Variants in PSD3 observed in about 807,000 individuals in gnomAD.
PSD3 encodes the protein PH and SEC7 domain-containing protein 3.
A neutral mutation model predicts 105.5 loss-of-function variants in PSD3; 49 were observed. The observed-to-expected ratio is 0.46, with a 90% CI of 0.37 to 0.59. The LOEUF (loss-of-function observed/expected upper bound fraction) is 0.59, where lower values mean the gene tolerates loss of function less well. Among genes scored for constraint, PSD3 ranks in the 20% least tolerant of loss-of-function variants. The pLI is 0.00. For synonymous variants in PSD3, 557 were observed against 457.8 expected, an observed-to-expected ratio of 1.22 and a Z score of -2.77; for missense variants, 1,561 against 1,263.8, an observed-to-expected ratio of 1.24 and a Z score of -3.57.
At chr8:18,924,827 T>C (rs535568584) in intron 2 of PSD3, 52 of 152,292 alleles carry the variant, frequency 3.4e-4, no homozygotes, top group African/African-American at 1.2e-3. Flanking sequence ...AAAAAATAAC[T>C]AACTCAAAAT....
intron 1 of PSD3, among the ~76,000 whole-genome samples, chr8:19,044,061 AG>A (rs1452844827): frequency 6.6e-6 from 1 of 152,154 alleles, no homozygotes; most frequent in Non-Finnish European, 1.5e-5. Flanking sequence ...CAGGCCTCAG[AG>A]CCACCCACCT....
At chr8:18,930,274 A>T (rs17384209) in intron 2 of PSD3, among the ~76,000 whole-genome samples, 1 of 152,110 alleles carries the variant, frequency 6.6e-6, no homozygotes, top group Non-Finnish European at 1.5e-5. Context: ...TTTTCATTTA[A>T]GAGACTCCAG....
intron 1 of PSD3, among the ~76,000 whole-genome samples, chr8:19,082,782 T>C (rs567858833): frequency 3.2e-4 from 49 of 152,322 alleles, no homozygotes; most frequent in Non-Finnish European, 5.6e-4. Context: ...CATACAGAGA[T>C]GGGCTCTGAT....
chr8:18,740,712 C>G (rs758167890), intron 9 of PSD3, among the ~76,000 whole-genome samples: 2 of 152,134 alleles, frequency 1.3e-5, no homozygotes, highest in Non-Finnish European at 2.9e-5. Flanking sequence ...TACTTAAATC[C>G]CAAAAGTCAC....
chr8:18,604,805 G>A (rs1804696645), intron 11 of PSD3, among the ~76,000 whole-genome samples: 1 of 152,182 alleles, frequency 6.6e-6, no homozygotes. Context: ...TGGCTCAAAG[G>A]GGCCTGGGTA....
At chr8:18,722,112 CGGTATTGAACTTAAAA>C (rs1311282296) in intron 9 of PSD3, among the ~76,000 whole-genome samples, 1 of 151,444 alleles carries the variant, frequency 6.6e-6, no homozygotes. Flanking sequence ...CTCCCAGCTG[CGGTATTGAACTTAAAA>C]GTCTACTAGA....
intron 8 of PSD3, among the ~76,000 whole-genome samples, chr8:18,779,194 G>A (rs1167464520): frequency 6.6e-6 from 1 of 152,074 alleles, no homozygotes; most frequent in Non-Finnish European, 1.5e-5. Flanking sequence ...GTTTCCTCAT[G>A]TCCAGGAATG....
At chr8:18,869,653 G>A (rs1238443215) in intron 3 of PSD3, among the ~76,000 whole-genome samples, 1 of 152,140 alleles carries the variant, frequency 6.6e-6, no homozygotes, top group Non-Finnish European at 1.5e-5. Context: ...TCTCTGGCTG[G>A]CAAACTCTTT....
At chr8:18,882,232 A>AACAG (rs1818151747) in intron 2 of PSD3, among the ~76,000 whole-genome samples, 1 of 152,128 alleles carries the variant, frequency 6.6e-6, no homozygotes, top group African/African-American at 2.4e-5. Context: ...CAAACAAACA[A>AACAG]AAAACCTTAA....
chr8:18,773,425 ACT>A (rs78808348), intron 8 of PSD3, among the ~76,000 whole-genome samples: 2,525 of 152,022 alleles, frequency 0.017, 87 homozygotes, highest in East Asian at 0.12. Flanking sequence ...GAGTACTCTA[ACT>A]CTGTTCTTTT....
Position 18,871,732 on chromosome 8 carries a change from T to G in PSD3, c.1132A>C (p.Thr378Pro), listed in dbSNP as rs755970461. 6.2e-7 allele frequency: 1 copy of G among 1,614,144 alleles called. No individual in the cohort carries two copies. The highest frequency in any genetic ancestry group is 8.5e-7 in the Non-Finnish European group (1 of 1,180,012). Residue 378 changes from threonine to proline, a missense_variant, in exon 3 of 16, where the codon ACA becomes CCA. Thr to Pro is a conservative substitution (Grantham distance 38). Coordinates refer to ENST00000327040, the MANE Select transcript of PSD3 (RefSeq NM_015310.4). ...TCATCAAGACGCACAGGGGAAAATG[T>G]CCCCGAGCTAGTGCCAGGCCTCTCT... The part of the protein sequence containing the change: ...PSERPGTSSG[T>P]FSPVRLDESG...
chr8:18,972,128 TC>T, intron 1 of PSD3, among the ~76,000 whole-genome samples: 1 of 152,356 alleles, frequency 6.6e-6, no homozygotes, highest in Admixed American at 6.5e-5. Context: ...GCCTATTTCC[TC>T]AATCTATTTT....
chr8:18,595,472 C>T (rs990305802), intron 12 of PSD3, among the ~76,000 whole-genome samples: 16 of 145,368 alleles, frequency 1.1e-4, no homozygotes, highest in South Asian at 4.5e-4. Context: ...CAGAGACAGA[C>T]GGAGGGAGGG....
intron 1 of PSD3, among the ~76,000 whole-genome samples, chr8:18,964,153 G>A (rs963826327): frequency 2.0e-5 from 3 of 152,162 alleles, no homozygotes; most frequent in African/African-American, 7.2e-5. Context: ...TTTTGAGAGT[G>A]TTGCTCTGTA....
intron 14 of PSD3, among the ~76,000 whole-genome samples, chr8:18,571,916 A>AT (rs990482847): frequency 3.0e-4 from 46 of 152,102 alleles, no homozygotes; most frequent in Admixed American, 2.6e-3. Context: ...TGTCCTTAGA[A>AT]GAGTTTTAAG....
At chr8:18,935,234 C>T (rs1822030600) in intron 2 of PSD3, among the ~76,000 whole-genome samples, 1 of 151,794 alleles carries the variant, frequency 6.6e-6, no homozygotes, top group African/African-American at 2.4e-5. Context: ...GCTTCTAGTT[C>T]CAGAAGACTA....
chr8:18,862,116 C>T (rs762674295), intron 4 of PSD3, among the ~76,000 whole-genome samples: 2 of 152,204 alleles, frequency 1.3e-5, no homozygotes, highest in Non-Finnish European at 2.9e-5. Context: ...TGAGCTCCTA[C>T]TGGGTACCGG....
intron 4 of PSD3, among the ~76,000 whole-genome samples, chr8:18,841,288 G>T (rs1233046689): frequency 6.6e-6 from 1 of 152,160 alleles, no homozygotes; most frequent in Admixed American, 6.5e-5. Context: ...AAAGTCTGTT[G>T]TGTATTCTCA....
In PSD3 at chr8:18,799,353, T is replaced by A. The variant is rs376601587; in HGVS notation, c.2024A>T (p.Asp675Val). ...TGCACAGGTAAGGCAATGGACTCCA[T>A]CTAAAGAAAGATACAAGAAAAAAAA... ...YCNPDTIASQ[D>V]GVHCLTCAIM... The change falls in exon 8 of 16, where the codon GAT (aspartate) becomes GTT (valine). Residue 675 changes from aspartate to valine, a missense_variant and splice_region_variant. Physicochemically the swap from Asp to Val is radical, Grantham distance 152 (BLOSUM62 -3). Coordinates refer to ENST00000327040, the MANE Select transcript of PSD3 (RefSeq NM_015310.4). 3 of 1,596,808 alleles carry A rather than the reference T, an allele frequency of 1.9e-6. No individual in the cohort carries two copies. The highest frequency in any genetic ancestry group is 2.6e-6 in the Non-Finnish European group (3 of 1,169,074).
Sources: gnomAD v4.1 joint callset for allele counts (sites outside exome capture counted in the v4.1 genomes callset) on GRCh38, gnomAD v4.1.1 for gene constraint, MANE v1.5 for transcripts, NCBI Gene and HGNC (gene_info 2026-07-23, HGNC 2026-07-21) for gene names.